Variants in R3HDM2 observed in about 807,000 individuals in gnomAD.
R3HDM2 encodes the protein R3H domain-containing protein 2.
R3HDM2 carries 38 observed loss-of-function variants against 124.5 expected under a neutral mutation model. That is an observed-to-expected ratio of 0.31 (90% CI 0.24 to 0.40). R3HDM2 has a LOEUF of 0.40. Ranked by LOEUF, R3HDM2 falls within the 10% of genes least tolerant of loss-of-function variation. The pLI is 1.00. For missense variants in R3HDM2, 869 were observed against 1,236.9 expected (o/e 0.70, Z 4.46); for synonymous variants, 391 against 448.0 (o/e 0.87, Z 1.61).
rs2047952139 is a variant in R3HDM2, at chr12:57,288,721, C to T, written c.938+288G>A. 9.6e-6 allele frequency: 7 copies of T among 732,232 alleles called. No individual in the cohort carries two copies. In the Admixed American group the frequency reaches 2.0e-4, roughly 21 times the overall value. 45.4% of individuals were successfully genotyped at this position (732,232 alleles called of 1,614,324 possible). ...ATTTTTTTAAATGGGGAAAAATATCCAATGTTGCAAAAACCACAAATTTAA... is the reference window on the plus strand; with the variant it reads ...ATTTTTTTAAATGGGGAAAAATATCTAATGTTGCAAAAACCACAAATTTAA... On this transcript the variant is annotated intron_variant, in intron 12 of 23. Coordinates refer to ENST00000402412, the MANE Select transcript of R3HDM2 (RefSeq NM_001394031.1).
intron 19 of R3HDM2, among the ~76,000 whole-genome samples, chr12:57,266,263 T>C (rs1217419848): frequency 6.6e-6 from 1 of 151,808 alleles, no homozygotes; most frequent in Non-Finnish European, 1.5e-5. Context: ...GCCTGGCTAA[T>C]TTTTGTATTT....
chr12:57,258,008 G>A lies in R3HDM2; in HGVS notation c.2431C>T (p.Pro811Ser). ...PLPVLTQFPRPGGPAQGDGRY... is the reference protein window; with the variant it reads ...PLPVLTQFPRSGGPAQGDGRY... ...CCCCTACCCTGTGCTGGACCCCCAG[G>A]CCGGGGGAACTGTGTGAGGACAGGC... The change falls in exon 21 of 24, where the codon CCT becomes TCT. Residue 811 changes from proline to serine, a missense_variant. Physicochemically the swap from Pro to Ser is moderately conservative, Grantham distance 74. This residue lies in a region of R3HDM2 where 602 missense variants were observed against 789.2 expected (regional missense o/e 0.76). Coordinates refer to ENST00000402412, the MANE Select transcript of R3HDM2 (RefSeq NM_001394031.1). 6.4e-7 allele frequency: 1 copy of A among 1,569,880 alleles called. No individual in the cohort carries two copies. Among genetic ancestry groups the A allele is most frequent in the South Asian group, 1.2e-5 (1 of 84,320 alleles).
intron 2 of R3HDM2, among the ~76,000 whole-genome samples, chr12:57,311,252 G>A (rs894140640): frequency 6.6e-6 from 1 of 151,948 alleles, no homozygotes; most frequent in Non-Finnish European, 1.5e-5. Flanking sequence ...TTGAGATGGA[G>A]TCTCGCTCTG....
chr12:57,316,577 C>A (rs2055068164), intron 2 of R3HDM2, among the ~76,000 whole-genome samples: 2 of 145,238 alleles, frequency 1.4e-5, no homozygotes, highest in African/African-American at 5.0e-5. Flanking sequence ...AAGCCTGCAT[C>A]CATCCTTTTT....
chr12:57,381,802 T>C (rs888758436), intron 2 of R3HDM2, among the ~76,000 whole-genome samples: 2 of 150,832 alleles, frequency 1.3e-5, no homozygotes, highest in Admixed American at 6.6e-5. Context: ...AGAGAGGGGA[T>C]AGAGATAGAG....
intron 2 of R3HDM2, among the ~76,000 whole-genome samples, chr12:57,328,281 C>T (rs113264553): frequency 3.3e-5 from 5 of 151,870 alleles, no homozygotes; most frequent in African/African-American, 1.2e-4. Flanking sequence ...AGGCTGCTCT[C>T]GAACTACTGA....
At chr12:57,266,859 T>G in intron 18 of R3HDM2, 28 bp from the exon 19 acceptor site, 1 of 1,488,118 alleles carries the variant, frequency 6.7e-7, no homozygotes. Flanking sequence ...AGAGGAGTGG[T>G]GAAGCAGTAG....
intron 12 of R3HDM2, 184 bp downstream of exon 12, chr12:57,288,824 TA>T: frequency 2.0e-6 from 3 of 1,506,428 alleles, no homozygotes; most frequent in Non-Finnish European, 2.7e-6. Context: ...AAATTAAAAA[TA>T]AAAAGGAGAG....
At chr12:57,361,099 C>T (rs997147140) in intron 2 of R3HDM2, among the ~76,000 whole-genome samples, 1 of 143,488 alleles carries the variant, frequency 7.0e-6, no homozygotes, top group African/African-American at 2.6e-5. Context: ...ATAGGCTTTT[C>T]TTACAGTGGC....
chr12:57,302,275 A>AAAAAG (rs998605982), intron 4 of R3HDM2, among the ~76,000 whole-genome samples: 17 of 151,852 alleles, frequency 1.1e-4, no homozygotes, highest in Admixed American at 2.0e-4. Context: ...ACTCCATCTC[A>AAAAAG]AAAAGAAAAG....
intron 1 of R3HDM2, among the ~76,000 whole-genome samples, chr12:57,429,543 T>C (rs1339808634): frequency 6.6e-6 from 1 of 151,980 alleles, no homozygotes; most frequent in Non-Finnish European, 1.5e-5. Flanking sequence ...GGCAGCAAGG[T>C]GAAACCCGTC....
intron 2 of R3HDM2, among the ~76,000 whole-genome samples, chr12:57,345,546 T>C (rs999752718): frequency 7.2e-6 from 1 of 138,104 alleles, no homozygotes; most frequent in South Asian, 2.4e-4. Flanking sequence ...CACACACACA[T>C]ATATTAAGAG....
At chr12:57,300,470 T>C (rs1474465001) in intron 4 of R3HDM2, among the ~76,000 whole-genome samples, 1 of 152,168 alleles carries the variant, frequency 6.6e-6, no homozygotes, top group African/African-American at 2.4e-5. Context: ...AACCCCATAC[T>C]CTAATTTCAG....
At chr12:57,324,452 G>C (rs1227860022) in intron 2 of R3HDM2, among the ~76,000 whole-genome samples, 1 of 152,192 alleles carries the variant, frequency 6.6e-6, no homozygotes, top group Non-Finnish European at 1.5e-5. Flanking sequence ...CAAAGTGCTG[G>C]GATTACAGGC....
At chr12:57,362,139 A>T (rs2062033628) in intron 2 of R3HDM2, among the ~76,000 whole-genome samples, 1 of 152,174 alleles carries the variant, frequency 6.6e-6, no homozygotes, top group Non-Finnish European at 1.5e-5. Flanking sequence ...CTCAAAAAAA[A>T]AGTCAAAACA....
intron 2 of R3HDM2, among the ~76,000 whole-genome samples, chr12:57,342,495 G>GAA (rs2059670109): frequency 6.7e-6 from 1 of 148,974 alleles, no homozygotes; most frequent in Non-Finnish European, 1.5e-5. Flanking sequence ...GGCACACACA[G>GAA]ACACACACAC....
At chr12:57,335,823 T>G (rs946227922) in intron 2 of R3HDM2, among the ~76,000 whole-genome samples, 3 of 151,854 alleles carry the variant, frequency 2.0e-5, no homozygotes, top group Admixed American at 6.6e-5. Flanking sequence ...AACCCAGCAA[T>G]TTGGGAAGCT....
At chr12:57,360,034 T>TAC (rs1412551054) in intron 2 of R3HDM2, among the ~76,000 whole-genome samples, 70 of 83,770 alleles carry the variant, frequency 8.4e-4, no homozygotes, top group East Asian at 3.6e-3. Flanking sequence ...CACACATATA[T>TAC]ATATATATAT....
chr12:57,281,150 G>C (rs1374345094), intron 13 of R3HDM2, among the ~76,000 whole-genome samples: 1 of 151,940 alleles, frequency 6.6e-6, no homozygotes, highest in Admixed American at 6.6e-5. Context: ...ATCCGAGCTT[G>C]AGGGTGGGCG....
Sources: allele counts gnomAD v4.1 joint callset (sites outside exome capture counted in the v4.1 genomes callset), GRCh38; gene constraint gnomAD v4.1.1; regional missense constraint gnomAD v4.1.1; transcripts MANE v1.5; gene names NCBI Gene and HGNC (gene_info 2026-07-23, HGNC 2026-07-21).